GNG7: variants seen among roughly 807,000 people sequenced by gnomAD.
GNG7 encodes the protein guanine nucleotide-binding protein G(I)/G(S)/G(O) subunit gamma-7.
In GNG7, 1 loss-of-function variant was observed where a neutral mutation model predicts 4.0. The observed-to-expected ratio is 0.25, with a 90% CI of 0.09 to 1.18. GNG7 has a LOEUF of 1.18. GNG7 is among the 50% of genes most tolerant of loss of function. GNG7 has a pLI of 0.50. For missense variants in GNG7, 86 were observed against 91.9 expected, an observed-to-expected ratio of 0.94 and a Z score of 0.26; for synonymous variants, 34 against 36.9, an observed-to-expected ratio of 0.92 and a Z score of 0.29.
At chr19:2,638,822 A>G (rs1982404553) in intron 2 of GNG7, among the ~76,000 whole-genome samples, 1 of 152,230 alleles carries the variant, frequency 6.6e-6, no homozygotes. Flanking sequence ...TTAAATTTCA[A>G]GTAGTTCAGA....
chr19:2,661,304 G>GAAAGAAAGAAAGAAAGAAAGAAAGAA (rs1983163522), intron 1 of GNG7, among the ~76,000 whole-genome samples: 1 of 87,008 alleles, frequency 1.1e-5, no homozygotes, highest in Admixed American at 1.1e-4. Flanking sequence ...GAAAGAAAGA[G>GAAAGAAAGAAAGAAAGAAAGAAAGAA]AAAGAAAGAA....
In GNG7 at chr19:2,531,560, A is replaced by T. The variant is rs553854562; in HGVS notation, c.-37-10835T>A. Among the ~76,000 whole-genome samples, 3 of 152,100 alleles carry T rather than the reference A, an allele frequency of 2.0e-5. No homozygotes were observed. The East Asian group carries it at 5.8e-4, about 30-fold the overall frequency. ...GCCGGGCGCGGTGGCTCACGAGGTC[A>T]GGAGATCAAGACCATCCTGGCTAAC... On this transcript the variant is annotated intron_variant, in intron 3 of 4. Coordinates refer to ENST00000382159, the MANE Select transcript of GNG7 (RefSeq NM_052847.3).
intron 2 of GNG7, among the ~76,000 whole-genome samples, chr19:2,622,212 TG>T (rs1349841908): frequency 2.0e-5 from 3 of 152,044 alleles, no homozygotes; most frequent in Non-Finnish European, 4.4e-5. Context: ...CCTGAGTAGC[TG>T]GGACTACAGG....
chr19:2,597,553 C>T (rs1355949300), intron 2 of GNG7, among the ~76,000 whole-genome samples: 20 of 150,760 alleles, frequency 1.3e-4, no homozygotes, highest in African/African-American at 4.2e-4. Flanking sequence ...GCCGAGATCA[C>T]GCCACTGCAC....
chr19:2,591,142 C>T (rs1980839663), intron 2 of GNG7, among the ~76,000 whole-genome samples: 1 of 152,202 alleles, frequency 6.6e-6, no homozygotes. Context: ...AACTCAGCAC[C>T]TCACAGAGAA....
At chr19:2,671,118 C>G (rs1172471739) in intron 1 of GNG7, among the ~76,000 whole-genome samples, 1 of 147,200 alleles carries the variant, frequency 6.8e-6, no homozygotes, top group African/African-American at 2.5e-5. Flanking sequence ...CTGTGGTCAC[C>G]CTGGGCACGG....
intron 3 of GNG7, among the ~76,000 whole-genome samples, chr19:2,533,120 A>T (rs1258280355): frequency 6.6e-6 from 1 of 151,964 alleles, no homozygotes; most frequent in Non-Finnish European, 1.5e-5. Context: ...AAAAGAATAA[A>T]CTATTGAGAG....
At chr19:2,519,142 G>GTTCC (rs1978295372) in intron 4 of GNG7, among the ~76,000 whole-genome samples, 1 of 101,224 alleles carries the variant, frequency 9.9e-6, no homozygotes, top group African/African-American at 3.6e-5. Flanking sequence ...TTTTTTTCTT[G>GTTCC]TTTCTTTTTT....
chr19:2,648,163 C>T (rs757698193), intron 1 of GNG7, among the ~76,000 whole-genome samples: 48 of 151,960 alleles, frequency 3.2e-4, no homozygotes, highest in Middle Eastern at 6.8e-3. Context: ...CCCACATGGG[C>T]TTCTTGGTGG....
At chr19:2,674,439 GTTTTGT>G (rs1983543040) in intron 1 of GNG7, among the ~76,000 whole-genome samples, 2 of 126,314 alleles carry the variant, frequency 1.6e-5, no homozygotes, top group African/African-American at 6.8e-5. Flanking sequence ...TTTTGTTTTT[GTTTTGT>G]TTTTTTTTGA....
intron 1 of GNG7, among the ~76,000 whole-genome samples, chr19:2,657,632 T>C (rs1983031464): frequency 6.6e-6 from 1 of 151,346 alleles, no homozygotes; most frequent in Admixed American, 6.6e-5. Flanking sequence ...GGAGGATCAT[T>C]TGGAGCCAGG....
chr19:2,601,135 C>G (rs1006433222), intron 2 of GNG7, among the ~76,000 whole-genome samples: 2 of 152,016 alleles, frequency 1.3e-5, no homozygotes, highest in East Asian at 1.9e-4. Context: ...ACCTCCCCCC[C>G]GCCACCATCT....
chr19:2,699,147 C>CTTT (rs371884402), intron 1 of GNG7, among the ~76,000 whole-genome samples: 9 of 128,486 alleles, frequency 7.0e-5, no homozygotes, highest in Non-Finnish European at 9.9e-5. Flanking sequence ...AAGGAGTAGC[C>CTTT]TTTTTTTTTT....
intron 2 of GNG7, among the ~76,000 whole-genome samples, chr19:2,572,058 G>A (rs1462235141): frequency 6.6e-6 from 1 of 152,008 alleles, no homozygotes; most frequent in Non-Finnish European, 1.5e-5. Context: ...GTCTCACTGT[G>A]TCCACCAGGC....
chr19:2,656,746 G>C (rs976121913), intron 1 of GNG7, among the ~76,000 whole-genome samples: 1 of 152,080 alleles, frequency 6.6e-6, no homozygotes, highest in Non-Finnish European at 1.5e-5. Flanking sequence ...GGCTGCTTCT[G>C]GGCTCCTACA....
At chr19:2,612,102 C>G (rs985002796) in intron 2 of GNG7, among the ~76,000 whole-genome samples, 1 of 152,038 alleles carries the variant, frequency 6.6e-6, no homozygotes, top group African/African-American at 2.4e-5. Flanking sequence ...CTCGATCTCT[C>G]AACCTCGTGA....
rs977215363 is a variant in GNG7, at chr19:2,626,102, A to G, written c.-78+20122T>C. Among the ~76,000 whole-genome samples the G allele has an allele frequency of 6.6e-6, 1 of 151,690 alleles. No homozygotes were observed. The highest frequency in any genetic ancestry group is 1.5e-5 in the Non-Finnish European group (1 of 67,914). On this transcript the variant is annotated intron_variant, in intron 2 of 4. Transcript: ENST00000382159. The surrounding 1 kb of genome is among the most constrained non-coding windows in gnomAD (Gnocchi z 5.0). ...GGCGCCCGGCCTGATTATTTCATTT[A>G]CTCCCTGCAGCAACCCTGGACTGCA...
intron 2 of GNG7, among the ~76,000 whole-genome samples, chr19:2,559,617 C>T (rs111958334): frequency 0.15 from 23,306 of 151,928 alleles, 1,987 homozygotes; most frequent in Middle Eastern, 0.19. Context: ...TGGGTTCAAG[C>T]GATTCTCCTG....
rs1314396733 is a variant in GNG7 at position 2,546,037 on chromosome 19, G to T, written c.-38+9112C>A. The stretch of plus-strand genomic sequence containing the variant: ...TCCAGAGCGGACACAGGGCATCAGG[G>T]TGAGAAGGCACAGGGCAACGATCAG... On this transcript the variant is annotated intron_variant, in intron 3 of 4. Coordinates refer to ENST00000382159, the MANE Select transcript of GNG7 (RefSeq NM_052847.3). The surrounding 1 kb of genome is among the most constrained non-coding windows in gnomAD (Gnocchi z 6.3). Among the ~76,000 whole-genome samples, 1 of 152,220 alleles carries T rather than the reference G, an allele frequency of 6.6e-6. No homozygotes were observed. The highest frequency in any genetic ancestry group is 1.5e-5 in the Non-Finnish European group (1 of 68,042).
Sources: gnomAD v4.1 joint callset for allele counts (sites outside exome capture counted in the v4.1 genomes callset) on GRCh38, gnomAD v4.1.1 for gene constraint, Gnocchi (gnomAD v3.1) non-coding constraint, MANE v1.5 for transcripts, NCBI Gene and HGNC (gene_info 2026-07-23, HGNC 2026-07-21) for gene names.